Variants in C3orf20 observed in about 807,000 individuals in gnomAD.
The protein encoded by C3orf20 is uncharacterized protein C3orf20.
C3orf20 carries 76 observed loss-of-function variants against 88.3 expected under a neutral mutation model. The ratio of observed to expected loss-of-function variants is 0.86; its 90% CI spans 0.72 to 1.04. C3orf20 has a LOEUF of 1.04. Among genes scored for constraint, C3orf20 ranks in the 50% least tolerant of loss-of-function variants. The pLI, the probability that C3orf20 is intolerant of heterozygous loss-of-function variation, is 0.00. For missense variants in C3orf20, 1,056 were observed against 1,123.3 expected, an observed-to-expected ratio of 0.94 and a Z score of 0.86; for synonymous variants, 436 against 437.4, an observed-to-expected ratio of 1.00 and a Z score of 0.04.
rs1325982769 is a variant in C3orf20, at chr3:14,768,435, C to A, written c.2496-3632C>A. Among the ~76,000 whole-genome samples, 2 of 152,026 alleles carry A rather than the reference C, an allele frequency of 1.3e-5. No individual in the cohort carries two copies. The highest frequency in any genetic ancestry group is 4.8e-5 in the African/African-American group (2 of 41,336). ...AGCCCAAGGAAGCCCCTTGGACAGG[C>A]AGGGGAAGGGCATGCAGACGTAGGC... On this transcript the variant is annotated intron_variant, in intron 15 of 16. Coordinates refer to ENST00000253697, the MANE Select transcript of C3orf20 (RefSeq NM_032137.5). This position sits in a 1 kb window ranked among gnomAD's most constrained non-coding sequence, Gnocchi z 4.1.
chr3:14,732,509 T>C (rs987777343), intron 12 of C3orf20, among the ~76,000 whole-genome samples: 1 of 152,250 alleles, frequency 6.6e-6, no homozygotes, highest in Non-Finnish European at 1.5e-5. Context: ...TTTTCTTTTC[T>C]GGATTGTGAT....
intron 4 of C3orf20, among the ~76,000 whole-genome samples, chr3:14,687,500 G>T (rs1286908798): frequency 1.3e-5 from 2 of 152,150 alleles, no homozygotes; most frequent in African/African-American, 2.4e-5. Flanking sequence ...ATTTGTGCAG[G>T]TGGTGATCGC....
chr3:14,755,476 ATAAT>A (rs2035335712), intron 12 of C3orf20, among the ~76,000 whole-genome samples: 1 of 152,200 alleles, frequency 6.6e-6, no homozygotes, highest in South Asian at 2.1e-4. Context: ...TGGGTAAGCT[ATAAT>A]TAATAGATCC....
At chr3:14,719,275 A>T (rs185699408) in intron 9 of C3orf20, among the ~76,000 whole-genome samples, 1 of 152,212 alleles carries the variant, frequency 6.6e-6, no homozygotes, top group East Asian at 1.9e-4. Context: ...TTTTTGGTTG[A>T]CTGGAGAGAG....
intron 5 of C3orf20, among the ~76,000 whole-genome samples, chr3:14,700,409 G>A (rs563325746): frequency 2.0e-5 from 3 of 152,188 alleles, no homozygotes; most frequent in African/African-American, 7.2e-5. Flanking sequence ...TAATCTCTTA[G>A]GGTCTAACTT....
At chr3:14,716,465 G>A (rs892955589) in intron 9 of C3orf20, among the ~76,000 whole-genome samples, 4 of 152,128 alleles carry the variant, frequency 2.6e-5, no homozygotes, top group Non-Finnish European at 4.4e-5. Flanking sequence ...TTAGTCTCCT[G>A]TTTCTTGTCC....
intron 12 of C3orf20, among the ~76,000 whole-genome samples, chr3:14,751,971 G>C (rs1391394363): frequency 6.6e-6 from 1 of 152,096 alleles, no homozygotes; most frequent in Non-Finnish European, 1.5e-5. Flanking sequence ...CACAGAATTG[G>C]AAAAGACTAC....
Position 14,721,770 on chromosome 3 carries a change from G to T in C3orf20, c.1552G>T (p.Ala518Ser), listed in dbSNP as rs774286952. The T allele has an allele frequency of 1.4e-4, 234 of 1,614,146 alleles. 2 individuals are homozygous for T. In the Admixed American group the frequency reaches 3.8e-3, roughly 26 times the overall value. Residue 518 changes from alanine (A) to serine (S), a missense_variant, in exon 10 of 17, where the codon GCA becomes TCA. Coordinates refer to ENST00000253697, the MANE Select transcript of C3orf20 (RefSeq NM_032137.5). ...VSANNCPHGM[A>S]YDKRLNRRIS... is the part of the protein sequence containing the mutation. ...GGCCAACAATTGTCCCCATGGAATG[G>T]CATATGACAAACGGGTAAGGCAAGG...
chr3:14,696,119 G>T (rs987427178), intron 5 of C3orf20, among the ~76,000 whole-genome samples: 10 of 143,968 alleles, frequency 6.9e-5, no homozygotes, highest in Non-Finnish European at 1.5e-4. Context: ...TAAATTTCTT[G>T]TTTTTTTTTT....
At chr3:14,707,606 T>C (rs900787212) in intron 7 of C3orf20, among the ~76,000 whole-genome samples, 1 of 152,124 alleles carries the variant, frequency 6.6e-6, no homozygotes, top group African/African-American at 2.4e-5. Flanking sequence ...GCATAGATAG[T>C]AGATGCTTAT....
intron 12 of C3orf20, among the ~76,000 whole-genome samples, chr3:14,741,259 A>G (rs374736207): frequency 1.3e-3 from 194 of 152,208 alleles, no homozygotes; most frequent in African/African-American, 4.6e-3. Context: ...ACTGAAAGCC[A>G]AGGTTGTTTA....
intron 12 of C3orf20, among the ~76,000 whole-genome samples, chr3:14,746,951 G>A (rs2035073758): frequency 6.6e-6 from 1 of 152,198 alleles, no homozygotes; most frequent in African/African-American, 2.4e-5. Context: ...CCAAGCCTAA[G>A]GGCAATTAAC....
In C3orf20 at chr3:14,684,347, G is replaced by A. The variant is rs1414839912; in HGVS notation, c.590G>A (p.Gly197Glu). 6.2e-7 allele frequency: 1 copy of A among 1,614,014 alleles called. No homozygotes were observed. Among genetic ancestry groups the A allele is most frequent in the African/African-American group, 1.3e-5 (1 of 74,904 alleles). ...MAFNCLISTAGRSGYSSGQLW... is the reference protein window; with the variant it reads ...MAFNCLISTAERSGYSSGQLW... The stretch of plus-strand genomic sequence containing the variant: ...TTCAACTGCCTGATCAGCACAGCCG[G>A]GAGAAGTGGCTACAGCAGCGGACAG... Residue 197 changes from glycine (G) to glutamate (E), a missense_variant, in exon 4 of 17, where the codon GGG becomes GAG. By Grantham distance (98) the Gly-to-Glu change is moderately conservative (BLOSUM62 -2). Transcript: ENST00000253697.
chr3:14,730,933 T>G (rs770545287), intron 12 of C3orf20, among the ~76,000 whole-genome samples: 24 of 152,246 alleles, frequency 1.6e-4, no homozygotes, highest in African/African-American at 4.1e-4. Flanking sequence ...CCATTGTTTG[T>G]TGACCATTTT....
At chr3:14,730,715 A>G (rs2034516902) in intron 12 of C3orf20, among the ~76,000 whole-genome samples, 1 of 152,158 alleles carries the variant, frequency 6.6e-6, no homozygotes, top group Non-Finnish European at 1.5e-5. Flanking sequence ...AGCTTCTAGT[A>G]CAGACTGTCC....
chr3:14,694,943 A>T (rs2032924170), intron 5 of C3orf20, among the ~76,000 whole-genome samples: 2 of 152,118 alleles, frequency 1.3e-5, no homozygotes, highest in African/African-American at 4.8e-5. Context: ...GACATGCACC[A>T]CTATGCCTGG....
chr3:14,737,054 C>G (rs2034735066), intron 12 of C3orf20, among the ~76,000 whole-genome samples: 2 of 151,872 alleles, frequency 1.3e-5, no homozygotes, highest in South Asian at 4.2e-4. Context: ...TTTTCTCTCA[C>G]CTTTAGTTAG....
intron 10 of C3orf20, 160 bp downstream of exon 10, chr3:14,721,944 C>T: frequency 1.2e-6 from 1 of 824,230 alleles, no homozygotes; most frequent in East Asian, 2.7e-5. Context: ...CTTAGTACCA[C>T]CTTCCTGTGA....
chr3:14,688,342 C>A (rs2032538973), intron 4 of C3orf20, among the ~76,000 whole-genome samples: 1 of 151,338 alleles, frequency 6.6e-6, no homozygotes, highest in Admixed American at 6.6e-5. Context: ...CCAGCCTGGC[C>A]AACATGATGA....
Sources: gnomAD v4.1 joint callset for allele counts (sites outside exome capture counted in the v4.1 genomes callset) on GRCh38, gnomAD v4.1.1 for gene constraint, Gnocchi (gnomAD v3.1) non-coding constraint, MANE v1.5 for transcripts, NCBI Gene and HGNC (gene_info 2026-07-23, HGNC 2026-07-21) for gene names.